Variants in FTO observed in about 807,000 individuals in gnomAD.
FTO encodes alpha-ketoglutarate-dependent dioxygenase FTO.
In FTO, 47 loss-of-function variants were observed where a neutral mutation model predicts 63.9. The observed-to-expected ratio is 0.74, with a 90% CI of 0.58 to 0.94. The LOEUF is 0.94. Among genes scored for constraint, FTO ranks in the 40% least tolerant of loss-of-function variants. The pLI is 0.00. For missense variants in FTO, 562 were observed against 618.1 expected (o/e 0.91, Z 0.96); for synonymous variants, 207 against 224.4 (o/e 0.92, Z 0.69).
At chr16:54,078,742 G>C (rs1202472378) in intron 8 of FTO, among the ~76,000 whole-genome samples, 2 of 152,138 alleles carry the variant, frequency 1.3e-5, no homozygotes, top group East Asian at 3.9e-4. Context: ...GTGAGCACTT[G>C]AAGTTTTTCT....
intron 1 of FTO, among the ~76,000 whole-genome samples, chr16:53,791,014 C>T (rs770970183): frequency 2.1e-4 from 32 of 152,080 alleles, no homozygotes; most frequent in Non-Finnish European, 3.2e-4. Context: ...GTCATAGAAA[C>T]GAAGGGAAAT....
At chr16:53,988,420 G>T (rs2083724211) in intron 8 of FTO, among the ~76,000 whole-genome samples, 1 of 152,172 alleles carries the variant, frequency 6.6e-6, no homozygotes, top group South Asian at 2.1e-4. Flanking sequence ...TTCTGGCAGG[G>T]TTTGCCACAT....
intron 7 of FTO, among the ~76,000 whole-genome samples, chr16:53,903,021 G>A (rs758007671): frequency 2.6e-5 from 4 of 152,150 alleles, no homozygotes; most frequent in African/African-American, 4.8e-5. Flanking sequence ...GGGGCAGGAG[G>A]ATCACTTGAG....
At position 53,956,940 on chromosome 16, in the gene FTO, C is replaced by T. The variant is rs1300716141; in HGVS notation, c.1364+22831C>T. On this transcript the variant is annotated intron_variant, in intron 8 of 8. Coordinates refer to ENST00000471389, the MANE Select transcript of FTO (RefSeq NM_001080432.3). ...TCGGCCTCCCAAAGTGCCGGGATTA[C>T]AGGCATGAACCACCGCACCTGGTCC... 2.0e-5 allele frequency among the ~76,000 whole-genome samples: 3 copies of T among 152,322 alleles called. No individual in the cohort carries two copies. In the East Asian group the frequency reaches 5.8e-4, roughly 29 times the overall value.
intron 8 of FTO, among the ~76,000 whole-genome samples, chr16:53,951,802 C>T (rs1302925558): frequency 6.6e-6 from 1 of 150,764 alleles, no homozygotes; most frequent in Non-Finnish European, 1.5e-5. Context: ...GGACAAGACT[C>T]AAATCAATCT....
In FTO at chr16:53,979,566, T is replaced by TGC. The variant is rs1375485275; in HGVS notation, c.1364+45463_1364+45464dup. 1.3e-3 allele frequency: 446 copies of TGC among 331,682 alleles called. 1 individual carries two copies. The highest frequency in any genetic ancestry group is 5.2e-3 in the East Asian group (119 of 22,686). The allele number at this position is 331,682 out of a possible 1,614,324, so 20.5% of individuals were successfully genotyped here. A position where few individuals can be genotyped will look rare whatever the true frequency, so the allele number is the denominator to read the frequency against. ...GTGTGTGTGTGTGTGTGTGTGTGTGTGCGCGCGTGTGTGAATTTCTTGTCC... is the reference window on the plus strand; with the variant it reads ...GTGTGTGTGTGTGTGTGTGTGTGTGTGCGCGCGCGTGTGTGAATTTCTTGTCC... On this transcript the variant is annotated intron_variant, in intron 8 of 8. Coordinates refer to ENST00000471389, the MANE Select transcript of FTO (RefSeq NM_001080432.3).
At chr16:54,014,440 G>A (rs567115953) in intron 8 of FTO, among the ~76,000 whole-genome samples, 17 of 151,960 alleles carry the variant, frequency 1.1e-4, no homozygotes, top group African/African-American at 3.4e-4. Flanking sequence ...TGTGATGCCT[G>A]CTTCTCTTTG....
intron 1 of FTO, among the ~76,000 whole-genome samples, chr16:53,714,680 C>A (rs1215796707): frequency 6.6e-6 from 1 of 152,078 alleles, no homozygotes; most frequent in Non-Finnish European, 1.5e-5. Context: ...ATGCTGCGAG[C>A]CATTTTTGTT....
intron 7 of FTO, among the ~76,000 whole-genome samples, chr16:53,920,485 T>C (rs2081982773): frequency 6.6e-6 from 1 of 152,232 alleles, no homozygotes; most frequent in South Asian, 2.1e-4. Context: ...GATCGCAGCC[T>C]ACATAGGGCA....
intron 1 of FTO, among the ~76,000 whole-genome samples, chr16:53,709,655 A>G (rs1400111420): frequency 1.3e-5 from 2 of 152,182 alleles, no homozygotes; most frequent in Non-Finnish European, 2.9e-5. Context: ...GAAATGATTT[A>G]AAACTTATTG....
At chr16:54,103,209 G>A (rs763200143) in intron 8 of FTO, among the ~76,000 whole-genome samples, 18 of 152,148 alleles carry the variant, frequency 1.2e-4, no homozygotes, top group Non-Finnish European at 2.2e-4. Flanking sequence ...GCTGAATGGC[G>A]TTATGTTGGT....
intron 8 of FTO, among the ~76,000 whole-genome samples, chr16:54,013,853 G>T (rs879573833): frequency 2.6e-5 from 4 of 151,938 alleles, no homozygotes; most frequent in African/African-American, 9.7e-5. Context: ...AAAAATTCAC[G>T]TGAGCTACTT....
chr16:54,011,392 T>C (rs1309525037), intron 8 of FTO, among the ~76,000 whole-genome samples: 2 of 152,198 alleles, frequency 1.3e-5, no homozygotes, highest in African/African-American at 4.8e-5. Context: ...TAGATTTACC[T>C]GGTGAGTCAC....
intron 1 of FTO, among the ~76,000 whole-genome samples, chr16:53,721,621 A>G (rs2076043972): frequency 6.6e-6 from 1 of 152,116 alleles, no homozygotes; most frequent in Non-Finnish European, 1.5e-5. Flanking sequence ...GAGAGTTCCC[A>G]TGTTCTTTGG....
chr16:54,018,666 C>G (rs2084518898), intron 8 of FTO, among the ~76,000 whole-genome samples: 2 of 152,134 alleles, frequency 1.3e-5, no homozygotes, highest in Non-Finnish European at 2.9e-5. Context: ...CTCATGAGAT[C>G]TGATGGTTTT....
chr16:54,019,110 A>C (rs1175215020), intron 8 of FTO, among the ~76,000 whole-genome samples: 4 of 152,194 alleles, frequency 2.6e-5, no homozygotes, highest in Non-Finnish European at 5.9e-5. Flanking sequence ...TCCAGGCACC[A>C]CATCCAGATG....
At chr16:53,879,717 G>T (rs1297793572) in intron 5 of FTO, 127 bp from the exon 6 acceptor site, 108 of 785,378 alleles carry the variant, frequency 1.4e-4, no homozygotes, top group Non-Finnish European at 2.1e-4. Flanking sequence ...AAAAAAAGGA[G>T]TATAGACTGA....
At position 54,113,430 on chromosome 16, in the gene FTO, A is replaced by G. The variant is rs2086933149; in HGVS notation, c.*1515A>G. 1 of 152,226 alleles carries G rather than the reference A, an allele frequency of 6.6e-6. No individual in the cohort carries two copies. The highest frequency in any genetic ancestry group is 1.5e-5 in the Non-Finnish European group (1 of 68,062). 9.4% of individuals were successfully genotyped at this position (152,226 alleles called of 1,614,324 possible). A position where few individuals can be genotyped will look rare whatever the true frequency, so the allele number is the denominator to read the frequency against. On this transcript the variant is annotated 3_prime_UTR_variant, in exon 9 of 9. Coordinates refer to ENST00000471389, the MANE Select transcript of FTO (RefSeq NM_001080432.3). ...TTGCAGTGGTTCACGGCCTGCACTC[A>G]TTCCCATGAATGCAGTTAATAGCCA...
intron 8 of FTO, among the ~76,000 whole-genome samples, chr16:53,967,098 G>A (rs531159409): frequency 6.6e-6 from 1 of 152,194 alleles, no homozygotes; most frequent in African/African-American, 2.4e-5. Context: ...GCTGCGCAGT[G>A]GTGCCTAAGG....
Sources: gnomAD v4.1 joint callset for allele counts (sites outside exome capture counted in the v4.1 genomes callset) on GRCh38, gnomAD v4.1.1 for gene constraint, MANE v1.5 for transcripts, NCBI Gene and HGNC (gene_info 2026-07-23, HGNC 2026-07-21) for gene names.